Variants in ENTREP2 observed in about 807,000 individuals in gnomAD.
ENTREP2 encodes the protein protein ENTREP2.
chr15:29,373,875 T>C, the ENTREP2 span: 21 of 152,038 alleles, frequency 1.4e-4, no homozygotes, highest in African/African-American at 4.3e-4. Flanking sequence ...TATTAGTGAA[T>C]GGAGCAACAG....
chr15:29,604,286 C>T, the ENTREP2 span, among the ~76,000 whole-genome samples: 1 of 152,212 alleles, frequency 6.6e-6, no homozygotes, highest in Non-Finnish European at 1.5e-5. Flanking sequence ...GACCAAATAA[C>T]ATCCAGTGGA....
chr15:29,152,247 A>G, the ENTREP2 span, among the ~76,000 whole-genome samples: 1 of 152,194 alleles, frequency 6.6e-6, no homozygotes, highest in South Asian at 2.1e-4. Context: ...TCCTACAGAG[A>G]GATCTTGGGT....
the ENTREP2 span, among the ~76,000 whole-genome samples, chr15:29,599,639 A>G: frequency 6.6e-6 from 1 of 152,202 alleles, no homozygotes; most frequent in Admixed American, 6.5e-5. Context: ...ACTTTGTCCA[A>G]ATTAGATGAA....
At chr15:29,655,804 T>A in the ENTREP2 span, among the ~76,000 whole-genome samples, 1 of 152,062 alleles carries the variant, frequency 6.6e-6, no homozygotes, top group Non-Finnish European at 1.5e-5. Flanking sequence ...GGGGGGTGGA[T>A]CACTTGAGGC....
the ENTREP2 span, among the ~76,000 whole-genome samples, chr15:29,528,078 GAC>G: frequency 5.9e-5 from 9 of 152,198 alleles, no homozygotes; most frequent in Non-Finnish European, 1.0e-4. Context: ...AGGTGAAGGT[GAC>G]AAACTCCATG....
the ENTREP2 span, among the ~76,000 whole-genome samples, chr15:29,385,774 C>T: frequency 2.0e-5 from 3 of 152,258 alleles, no homozygotes; most frequent in East Asian, 1.9e-4. Context: ...TAAGTGAGAA[C>T]GGGCAATCCT....
chr15:29,376,469 C>T, the ENTREP2 span: 2 of 152,038 alleles, frequency 1.3e-5, no homozygotes, highest in Non-Finnish European at 2.9e-5. Context: ...AAAAAACTAT[C>T]CCAGTAATGT....
the ENTREP2 span, among the ~76,000 whole-genome samples, chr15:29,576,493 AC>A: frequency 6.6e-6 from 1 of 152,266 alleles, no homozygotes; most frequent in African/African-American, 2.4e-5. Context: ...AAAGTTAAAC[AC>A]TTTTGTACAT....
At chr15:29,505,933 G>A in the ENTREP2 span, among the ~76,000 whole-genome samples, 1 of 152,066 alleles carries the variant, frequency 6.6e-6, no homozygotes, top group African/African-American at 2.4e-5. The surrounding 1 kb of genome is among the most constrained non-coding windows in gnomAD (Gnocchi z 4.3). Context: ...ACGGAAGTAG[G>A]CTTCAGAAAA....
At chr15:29,330,653 C>T in the ENTREP2 span, among the ~76,000 whole-genome samples, 8 of 152,098 alleles carry the variant, frequency 5.3e-5, no homozygotes, top group East Asian at 9.7e-4. Context: ...GGCAACATGG[C>T]GACGAAACGT....
the ENTREP2 span, among the ~76,000 whole-genome samples, chr15:29,474,891 G>A: frequency 2.8e-5 from 4 of 142,836 alleles, no homozygotes; most frequent in South Asian, 9.1e-4. Flanking sequence ...TTGTGTAGAT[G>A]TCGTATCTTG....
the ENTREP2 span, among the ~76,000 whole-genome samples, chr15:29,347,745 G>A: frequency 6.6e-6 from 1 of 152,204 alleles, no homozygotes; most frequent in Non-Finnish European, 1.5e-5. Context: ...CATGAAGTCC[G>A]TCAGCACCTA....
chr15:29,576,671 A>G, the ENTREP2 span, among the ~76,000 whole-genome samples: 1 of 152,254 alleles, frequency 6.6e-6, no homozygotes, highest in African/African-American at 2.4e-5. Flanking sequence ...ACTTGAATAG[A>G]CATTTCTCCT....
At chr15:29,420,755 C>T in the ENTREP2 span, among the ~76,000 whole-genome samples, 1 of 152,108 alleles carries the variant, frequency 6.6e-6, no homozygotes, top group East Asian at 1.9e-4. Context: ...TACTTGAAAA[C>T]AGATTTCCCA....
the ENTREP2 span, among the ~76,000 whole-genome samples, chr15:29,602,549 A>G: frequency 6.6e-6 from 1 of 151,972 alleles, no homozygotes; most frequent in African/African-American, 2.4e-5. Context: ...TTATTTTATT[A>G]TTTTTTGAGA....
the ENTREP2 span, among the ~76,000 whole-genome samples, chr15:29,326,858 AACAG>A: frequency 5.3e-5 from 8 of 152,306 alleles, no homozygotes; most frequent in South Asian, 6.2e-4. Flanking sequence ...TTGGCAAAAG[AACAG>A]ACAAAGAGAT....
At chr15:29,444,232 AAGAAAGAAAGAAAGAAAG>A in the ENTREP2 span, among the ~76,000 whole-genome samples, 33 of 142,392 alleles carry the variant, frequency 2.3e-4, no homozygotes, top group African/African-American at 6.3e-4. Flanking sequence ...GAAAGAAAGA[AAGAAAGAAAGAAAGAAAG>A]AGAAAGAGAA....
At chr15:29,280,520 G>A in the ENTREP2 span, among the ~76,000 whole-genome samples, 17 of 152,210 alleles carry the variant, frequency 1.1e-4, no homozygotes, top group Non-Finnish European at 2.2e-4. Flanking sequence ...AGGGAAGACA[G>A]AATGGACTCT....
At chr15:29,618,060 T>C in the ENTREP2 span, among the ~76,000 whole-genome samples, 8 of 149,638 alleles carry the variant, frequency 5.3e-5, no homozygotes, top group South Asian at 1.4e-3. Flanking sequence ...TATCTCTTTC[T>C]TAGAGTCTTA....
Sources: allele counts gnomAD v4.1 joint callset (sites outside exome capture counted in the v4.1 genomes callset), GRCh38; gene constraint gnomAD v4.1.1; non-coding constraint Gnocchi (gnomAD v3.1); transcripts MANE v1.5; gene names NCBI Gene and HGNC (gene_info 2026-07-23, HGNC 2026-07-21).